Variants in POLN observed in about 807,000 individuals in gnomAD.
The protein encoded by POLN is DNA polymerase nu.
POLN carries 108 observed loss-of-function variants against 113.5 expected under a neutral mutation model. That is an observed-to-expected ratio of 0.95 (90% CI 0.81 to 1.12). The LOEUF is 1.12. Ranked by LOEUF, POLN falls within the 50% of genes most tolerant of loss-of-function variation. The pLI is 0.00. For missense variants in POLN, 1,097 were observed against 1,077.1 expected (o/e 1.02, Z -0.26); for synonymous variants, 386 against 391.5 (o/e 0.99, Z 0.17).
chr4:2,220,488 C>A (rs1734229092), intron 3 of POLN, among the ~76,000 whole-genome samples: 1 of 152,238 alleles, frequency 6.6e-6, no homozygotes, highest in Non-Finnish European at 1.5e-5. Flanking sequence ...ACTGGCACTT[C>A]AGCCAACTTC....
chr4:2,237,198 T>C (rs1463002641), intron 2 of POLN, among the ~76,000 whole-genome samples: 2 of 151,854 alleles, frequency 1.3e-5, no homozygotes, highest in African/African-American at 4.8e-5. Flanking sequence ...AATCCCAGTA[T>C]TGTGGGAGGG....
Position 2,071,953 on chromosome 4 carries a change from G to T in POLN, c.*161C>A. The T allele has an allele frequency of 1.2e-6, 1 of 827,696 alleles. No individual in the cohort carries two copies. The highest frequency in any genetic ancestry group is 2.1e-6 in the Non-Finnish European group (1 of 482,292). 51.3% of individuals were successfully genotyped at this position (827,696 alleles called of 1,614,324 possible). A position where few individuals can be genotyped will look rare whatever the true frequency, so the allele number is the denominator to read the frequency against. On this transcript the variant is annotated 3_prime_UTR_variant, in exon 26 of 26. Coordinates refer to ENST00000511885, the MANE Select transcript of POLN (RefSeq NM_181808.4). This position sits in a 1 kb window ranked among gnomAD's most constrained non-coding sequence, Gnocchi z 5.2. ...TCACAGGAAGAATTCACTCAGACAA[G>T]GATGAGGAGGGCTTTGCACAGGCAT...
At chr4:2,117,442 A>G (rs914837444) in intron 19 of POLN, among the ~76,000 whole-genome samples, 3 of 152,220 alleles carry the variant, frequency 2.0e-5, no homozygotes, top group Non-Finnish European at 4.4e-5. Context: ...TGACAATCCA[A>G]AATTTCATCT....
At chr4:2,143,258 T>C (rs1419635119) in intron 16 of POLN, among the ~76,000 whole-genome samples, 1 of 151,084 alleles carries the variant, frequency 6.6e-6, no homozygotes, top group African/African-American at 2.4e-5. Flanking sequence ...AGAAAAATAG[T>C]AGAGAAAATC....
At chr4:2,210,617 AT>A (rs1441671009) in intron 4 of POLN, among the ~76,000 whole-genome samples, 11 of 137,338 alleles carry the variant, frequency 8.0e-5, no homozygotes, top group South Asian at 2.2e-4. Context: ...AATAATAATA[AT>A]AATAATAATA....
intron 19 of POLN, among the ~76,000 whole-genome samples, chr4:2,107,634 A>C (rs772259969): frequency 1.3e-5 from 2 of 152,142 alleles, no homozygotes; most frequent in Non-Finnish European, 2.9e-5. Context: ...GGAAACGCGA[A>C]GAGAGAAAAG....
intron 19 of POLN, among the ~76,000 whole-genome samples, chr4:2,103,066 T>C (rs547166163): frequency 6.6e-6 from 1 of 152,214 alleles, no homozygotes; most frequent in East Asian, 1.9e-4. Flanking sequence ...GCAATAGATC[T>C]TAACCAAAAA....
chr4:2,205,302 A>C (rs956655215), intron 5 of POLN, among the ~76,000 whole-genome samples: 52 of 152,214 alleles, frequency 3.4e-4, no homozygotes, highest in Non-Finnish European at 6.6e-4. Context: ...ACAGTGACTA[A>C]GCTGAGAATC....
At chr4:2,176,817 G>A (rs569187098) in intron 8 of POLN, among the ~76,000 whole-genome samples, 10 of 152,014 alleles carry the variant, frequency 6.6e-5, no homozygotes, top group African/African-American at 2.4e-4. Context: ...GACAAACAAG[G>A]GTCTGTGTTC....
At chr4:2,171,345 G>C (rs913943613) in intron 11 of POLN, among the ~76,000 whole-genome samples, 164 bp from the exon 12 acceptor site, 11 of 150,042 alleles carry the variant, frequency 7.3e-5, no homozygotes, top group Non-Finnish European at 1.2e-4. Context: ...TTGAGACCAG[G>C]AGTTTGAGAC....
chr4:2,220,409 C>T (rs371875770), intron 3 of POLN, among the ~76,000 whole-genome samples: 3 of 152,202 alleles, frequency 2.0e-5, no homozygotes, highest in Non-Finnish European at 4.4e-5. Flanking sequence ...CTGAGTTTCA[C>T]AAGCACCCCT....
chr4:2,236,185 AT>A (rs746368469), intron 2 of POLN: 2 of 1,217,588 alleles, frequency 1.6e-6, no homozygotes, highest in African/African-American at 1.5e-5. Flanking sequence ...TACAACAAGC[AT>A]TTTTTTAAAA....
intron 19 of POLN, among the ~76,000 whole-genome samples, chr4:2,117,721 G>T (rs187395993): frequency 6.6e-5 from 10 of 152,320 alleles, no homozygotes; most frequent in Admixed American, 6.5e-4. Context: ...CTCTAGGCTT[G>T]GGCAAAGGTC....
Position 2,128,193 on chromosome 4 carries a change from A to G in POLN, c.1902T>C (p.His634=). Residue 634 remains histidine (H), a synonymous_variant, in exon 19 of 26, where the codon CAT becomes CAC. Coordinates refer to ENST00000511885, the MANE Select transcript of POLN (RefSeq NM_181808.4). ...FSQIELRILT[H]LSGDPELLKL... ...TCAGAAGTTCCGGATCTCCAGATAA[A>G]TGTGTAAGAATGCGCAATTCAATCT... The G allele has an allele frequency of 6.2e-7, 1 of 1,611,392 alleles. No homozygotes were observed. The highest frequency in any genetic ancestry group is 8.5e-7 in the Non-Finnish European group (1 of 1,177,714).
At chr4:2,089,974 G>T in intron 20 of POLN, 1 of 929,060 alleles carries the variant, frequency 1.1e-6, no homozygotes, top group Non-Finnish European at 1.7e-6. Flanking sequence ...ACATGATTCT[G>T]GTTTCTTTTC....
At chr4:2,236,315 A>C (rs1734762666) in intron 2 of POLN, 5 of 1,613,808 alleles carry the variant, frequency 3.1e-6, no homozygotes, top group Non-Finnish European at 3.4e-6. Flanking sequence ...ACAGAAAGAA[A>C]GAATGTTCTT....
intron 6 of POLN, among the ~76,000 whole-genome samples, chr4:2,195,939 C>T (rs1055632421): frequency 1.3e-5 from 2 of 151,954 alleles, no homozygotes; most frequent in African/African-American, 4.8e-5. Context: ...ATGGACAAAA[C>T]CATTAAGGGA....
At chr4:2,137,724 G>A (rs761098702) in intron 16 of POLN, among the ~76,000 whole-genome samples, 22 of 152,082 alleles carry the variant, frequency 1.4e-4, no homozygotes, top group Non-Finnish European at 2.5e-4. Flanking sequence ...CACTACATAC[G>A]TTCCATACAT....
intron 16 of POLN, among the ~76,000 whole-genome samples, chr4:2,152,863 A>T (rs1232351443): frequency 6.6e-6 from 1 of 152,228 alleles, no homozygotes; most frequent in Non-Finnish European, 1.5e-5. Context: ...TCTGCCACAC[A>T]TTGCTCAGGG....
Sources: gnomAD v4.1 joint callset for allele counts (sites outside exome capture counted in the v4.1 genomes callset) on GRCh38, gnomAD v4.1.1 for gene constraint, Gnocchi (gnomAD v3.1) non-coding constraint, MANE v1.5 for transcripts, NCBI Gene and HGNC (gene_info 2026-07-23, HGNC 2026-07-21) for gene names.